BOK: variants seen among roughly 807,000 people sequenced by gnomAD.
BOK encodes the protein bcl-2-related ovarian killer protein.
BOK carries 20 observed loss-of-function variants against 18.3 expected under a neutral mutation model. That is an observed-to-expected ratio of 1.09 (90% CI 0.77 to 1.59). BOK has a LOEUF of 1.59. BOK is among the 40% of genes most tolerant of loss of function. The pLI, the probability that BOK is intolerant of heterozygous loss-of-function variation, is 0.00. For synonymous variants in BOK, 173 were observed against 142.4 expected (o/e 1.21, Z -1.53); for missense variants, 348 against 307.9 (o/e 1.13, Z -0.97).
upstream of BOK, among the ~76,000 whole-genome samples, chr2:241,557,238 CTTTAGT>C (rs2066459659): frequency 2.7e-5 from 4 of 149,306 alleles, no homozygotes; most frequent in South Asian, 8.5e-4. Flanking sequence ...TTCCTTTCAT[CTTTAGT>C]TTTATTGTTC....
Position 241,562,231 on chromosome 2 carries a change from C to T in BOK, c.221-117C>T. 1 of 1,323,420 alleles carries T rather than the reference C, an allele frequency of 7.6e-7. No individual in the cohort carries two copies. The highest frequency in any genetic ancestry group is 1.0e-6 in the Non-Finnish European group (1 of 982,978). 82.0% of individuals were successfully genotyped at this position (1,323,420 alleles called of 1,614,324 possible). A position where few individuals can be genotyped will look rare whatever the true frequency, so the allele number is the denominator to read the frequency against. On this transcript the variant is annotated intron_variant, in intron 2 of 4. Transcript: ENST00000318407. The surrounding 1 kb of genome is among the most constrained non-coding windows in gnomAD (Gnocchi z 4.5). The stretch of plus-strand genomic sequence containing the variant: ...AGGTGGGAATCAGACAAGTGAGGAA[C>T]AGGCTGGAATTCAAGCATGGTCAGG...
intron 1 of BOK, among the ~76,000 whole-genome samples, chr2:241,553,615 A>G (rs370347338): frequency 2.6e-5 from 4 of 152,204 alleles, no homozygotes; most frequent in African/African-American, 4.8e-5. Flanking sequence ...AGTGAAGCGG[A>G]AGGTGCCACA....
In BOK at chr2:241,559,699, C is replaced by A. The variant is rs969076150; in HGVS notation, c.216C>A (p.Arg72=). Reference sequence around the variant, plus strand: ...CTGAGGTGTGCGCGGTGCTGCTGCGCCTGGGTGAGTGCGCCCTGGTGGGAT... The same window carrying A: ...CTGAGGTGTGCGCGGTGCTGCTGCGACTGGGTGAGTGCGCCCTGGTGGGAT... ...RLAEVCAVLL[R]LGDELEMIRP... Residue 72 remains arginine, a synonymous_variant, in exon 2 of 5, where the codon CGC becomes CGA. Coordinates refer to ENST00000318407, the MANE Select transcript of BOK (RefSeq NM_032515.5). 10 of 1,319,200 alleles carry A rather than the reference C, an allele frequency of 7.6e-6. No homozygotes were observed. Among genetic ancestry groups the A allele is most frequent in the South Asian group, 4.3e-5 (2 of 46,962 alleles). The allele number at this position is 1,319,200 out of a possible 1,614,324, so 81.7% of individuals were successfully genotyped here.
chr2:241,565,345 A>G (rs922321646), intron 3 of BOK, among the ~76,000 whole-genome samples: 1 of 151,632 alleles, frequency 6.6e-6, no homozygotes, highest in African/African-American at 2.4e-5. Flanking sequence ...GGGTTTCTGA[A>G]CCTCCCTGAA....
At chr2:241,571,661 GCGA>G (rs1171313383) in intron 4 of BOK, among the ~76,000 whole-genome samples, 1 of 152,342 alleles carries the variant, frequency 6.6e-6, no homozygotes, top group Non-Finnish European at 1.5e-5. Context: ...TGCCCAGTGG[GCGA>G]CGACACTTTG....
chr2:241,558,738 G>A (rs1043177399), upstream of BOK: 2 of 152,282 alleles, frequency 1.3e-5, no homozygotes, highest in Non-Finnish European at 2.9e-5. Flanking sequence ...CAAGCCCCAA[G>A]CCCAGCCTCT....
chr2:241,572,004 T>C (rs1355317546), intron 4 of BOK, among the ~76,000 whole-genome samples: 2 of 152,180 alleles, frequency 1.3e-5, no homozygotes, highest in Non-Finnish European at 2.9e-5. Context: ...GCGAGGGCCA[T>C]GAAGGCCTCT....
At chr2:241,569,338 G>A (rs1233615785) in intron 3 of BOK, among the ~76,000 whole-genome samples, 10 of 151,978 alleles carry the variant, frequency 6.6e-5, no homozygotes, top group African/African-American at 2.4e-4. Context: ...TCACCATGTT[G>A]GTCAGGCTGC....
At chr2:241,560,226 G>C (rs1216237624) in intron 2 of BOK, 8 of 985,322 alleles carry the variant, frequency 8.1e-6, no homozygotes, top group Non-Finnish European at 8.4e-6. Flanking sequence ...CGGTTCTGGG[G>C]TCACACACGG....
At chr2:241,566,050 C>T (rs528204596) in intron 3 of BOK, among the ~76,000 whole-genome samples, 2 of 152,008 alleles carry the variant, frequency 1.3e-5, no homozygotes, top group South Asian at 2.1e-4. Context: ...TTTGGGAGGC[C>T]GAGGTGGGTG....
At chr2:241,559,017 C>T (rs1394323084) in intron 1 of BOK, 24 bp downstream of exon 1, 1 of 151,566 alleles carries the variant, frequency 6.6e-6, no homozygotes, top group South Asian at 2.1e-4. Flanking sequence ...GCGTGGCGTC[C>T]GTGCCGGGGT....
upstream of BOK, among the ~76,000 whole-genome samples, chr2:241,558,135 AT>A (rs2066469550): frequency 6.6e-6 from 1 of 151,652 alleles, no homozygotes; most frequent in Non-Finnish European, 1.5e-5. Flanking sequence ...TGGAAAAAAA[AT>A]GATGCTTTTC....
intron 3 of BOK, among the ~76,000 whole-genome samples, chr2:241,569,361 A>G (rs573036192): frequency 6.6e-6 from 1 of 152,090 alleles, no homozygotes; most frequent in South Asian, 2.1e-4. Flanking sequence ...TTGAACTCCC[A>G]ACCTTGTGAT....
chr2:241,562,758 C>T lies in BOK; in HGVS notation c.349+282C>T, dbSNP rs964810695. 1.7e-4 allele frequency among the ~76,000 whole-genome samples: 26 copies of T among 152,286 alleles called. No homozygotes were observed. The highest frequency in any genetic ancestry group is 9.8e-4 in the Admixed American group (15 of 15,304). On this transcript the variant is annotated intron_variant, in intron 3 of 4. Coordinates refer to ENST00000318407, the MANE Select transcript of BOK (RefSeq NM_032515.5). This position sits in a 1 kb window ranked among gnomAD's most constrained non-coding sequence, Gnocchi z 4.5. ...AGTTGTGGTCCAGCATCCGTGGGGC[C>T]GCGTGACCTGCAGTCCTGTGGGGTG...
chr2:241,559,744 C>G (rs1463125723), intron 2 of BOK, 41 bp downstream of exon 2: 10 of 1,280,454 alleles, frequency 7.8e-6, no homozygotes, highest in African/African-American at 4.7e-5. Context: ...CGCCTCCTCC[C>G]CTGCTGGGCC....
At position 241,562,224 on chromosome 2, in the gene BOK, T is replaced by A. The variant is rs1322012530; in HGVS notation, c.221-124T>A. The A allele has an allele frequency of 1.6e-6, 2 of 1,282,254 alleles. No homozygotes were observed. Among genetic ancestry groups the A allele is most frequent in the Non-Finnish European group, 2.1e-6 (2 of 949,864 alleles). 79.4% of individuals were successfully genotyped at this position (1,282,254 alleles called of 1,614,324 possible). On this transcript the variant is annotated intron_variant, in intron 2 of 4. Transcript: ENST00000318407. The surrounding 1 kb of genome is among the most constrained non-coding windows in gnomAD (Gnocchi z 4.5). ...CAAGTGGAGGTGGGAATCAGACAAG[T>A]GAGGAACAGGCTGGAATTCAAGCAT...
intron 1 of BOK, among the ~76,000 whole-genome samples, chr2:241,553,263 G>A (rs2066427184): frequency 6.6e-6 from 1 of 152,228 alleles, no homozygotes; most frequent in African/African-American, 2.4e-5. Context: ...CAATTCTCCT[G>A]CCTCAGCCTC....
chr2:241,552,333 A>C (rs1345518950), intron 1 of BOK, among the ~76,000 whole-genome samples: 1 of 150,596 alleles, frequency 6.6e-6, no homozygotes, highest in Non-Finnish European at 1.5e-5. Flanking sequence ...TTGCACCCGC[A>C]GCACGCCCTG....
intron 4 of BOK, among the ~76,000 whole-genome samples, chr2:241,571,415 C>T (rs2066717248): frequency 6.7e-6 from 1 of 150,350 alleles, no homozygotes; most frequent in South Asian, 2.1e-4. Flanking sequence ...AATCAGCGGC[C>T]AGGGGTGACA....
Sources: allele counts gnomAD v4.1 joint callset (sites outside exome capture counted in the v4.1 genomes callset), GRCh38; gene constraint gnomAD v4.1.1; non-coding constraint Gnocchi (gnomAD v3.1); transcripts MANE v1.5; gene names NCBI Gene and HGNC (gene_info 2026-07-23, HGNC 2026-07-21).